CTNND2: variants seen among roughly 807,000 people sequenced by gnomAD.
CTNND2 encodes catenin delta 2, also known as catenin delta-2.
CTNND2 carries 22 observed loss-of-function variants against 144.4 expected under a neutral mutation model. The observed-to-expected ratio is 0.15, with a 90% confidence interval of 0.11 to 0.22. CTNND2 has a LOEUF of 0.22. Among genes scored for constraint, CTNND2 ranks in the 10% least tolerant of loss-of-function variants. The probability of loss-of-function intolerance (pLI) is 1.00; values close to 1 mark genes in which losing one functional copy is unlikely to be tolerated. For synonymous variants in CTNND2, 751 were observed against 695.6 expected (o/e 1.08, Z -1.25); for missense variants, 1,353 against 1,618.8 (o/e 0.84, Z 2.82).
chr5:11,785,445 T>C (rs1714861998), intron 1 of CTNND2, among the ~76,000 whole-genome samples: 1 of 152,236 alleles, frequency 6.6e-6, no homozygotes, highest in South Asian at 2.1e-4. Flanking sequence ...TATAAAATGT[T>C]ATTTTTTAAA....
intron 3 of CTNND2, among the ~76,000 whole-genome samples, chr5:11,434,194 T>C (rs960783801): frequency 6.6e-6 from 1 of 152,128 alleles, no homozygotes; most frequent in African/African-American, 2.4e-5. Context: ...TCCCAAAGCT[T>C]CCCGCTCAGT....
intron 3 of CTNND2, among the ~76,000 whole-genome samples, chr5:11,452,342 T>C (rs983270385): frequency 1.3e-5 from 2 of 152,082 alleles, no homozygotes; most frequent in Admixed American, 6.6e-5. Context: ...AAAGAGAAAA[T>C]GAGTTGCTAT....
At chr5:11,185,604 A>G (rs894838757) in intron 11 of CTNND2, among the ~76,000 whole-genome samples, 9 of 152,242 alleles carry the variant, frequency 5.9e-5, no homozygotes, top group African/African-American at 2.2e-4. Flanking sequence ...AACAGCCGTC[A>G]TGATGGAAGA....
chr5:11,817,566 A>T (rs1175464709), intron 1 of CTNND2, among the ~76,000 whole-genome samples: 3 of 151,676 alleles, frequency 2.0e-5, no homozygotes, highest in Non-Finnish European at 2.9e-5. Context: ...AAAGGTAGTG[A>T]AGGGGGGAAG....
At chr5:11,784,562 G>A (rs1337447770) in intron 1 of CTNND2, among the ~76,000 whole-genome samples, 3 of 152,150 alleles carry the variant, frequency 2.0e-5, no homozygotes, top group African/African-American at 7.2e-5. Context: ...GATGCAAAGG[G>A]ATTTTTCCAG....
At chr5:11,061,870 G>A (rs760473936) in intron 16 of CTNND2, among the ~76,000 whole-genome samples, 21 of 151,954 alleles carry the variant, frequency 1.4e-4, no homozygotes, top group Non-Finnish European at 2.2e-4. Flanking sequence ...TACCACACCC[G>A]GCTAATTTTT....
At chr5:11,029,619 T>C (rs1005105863) in intron 16 of CTNND2, among the ~76,000 whole-genome samples, 1 of 152,218 alleles carries the variant, frequency 6.6e-6, no homozygotes, top group African/African-American at 2.4e-5. Flanking sequence ...AAACATTGTG[T>C]GTCCAAAAAC....
chr5:11,427,323 G>A (rs1345757812), intron 3 of CTNND2, among the ~76,000 whole-genome samples: 1 of 129,932 alleles, frequency 7.7e-6, no homozygotes, highest in Non-Finnish European at 1.5e-5. Flanking sequence ...TGTCACCCAC[G>A]CTGAAGTGCA....
At chr5:11,773,232 G>T (rs1439351976) in intron 1 of CTNND2, among the ~76,000 whole-genome samples, 1 of 152,126 alleles carries the variant, frequency 6.6e-6, no homozygotes. Context: ...CAAATGAAAT[G>T]ATTTTTTTTC....
chr5:11,662,187 GTATATA>G (rs1207769789), intron 2 of CTNND2, among the ~76,000 whole-genome samples: 14 of 122,250 alleles, frequency 1.1e-4, no homozygotes, highest in African/African-American at 4.1e-4. Context: ...ACATATATGT[GTATATA>G]TGTGTATATA....
chr5:11,635,623 T>C (rs1365102582), intron 2 of CTNND2, among the ~76,000 whole-genome samples: 1 of 152,228 alleles, frequency 6.6e-6, no homozygotes, highest in African/African-American at 2.4e-5. Context: ...GAAATATGCA[T>C]GTTTTATTCC....
chr5:11,489,735 T>C lies in CTNND2; in HGVS notation c.287+75209A>G, dbSNP rs992148406. On this transcript the variant is annotated intron_variant, in intron 3 of 21. Coordinates refer to ENST00000304623, the MANE Select transcript of CTNND2 (RefSeq NM_001332.4). ...AAATTTATTCTCCATACTTGCTCAC[T>C]GAGGTGTCCTAATTCACATATGATT... Among the ~76,000 whole-genome samples, 19 of 152,210 alleles carry C rather than the reference T, an allele frequency of 1.2e-4. 1 individual carries two copies. Among genetic ancestry groups the C allele is most frequent in the Admixed American group, 6.5e-5 (1 of 15,280 alleles).
At chr5:11,242,268 C>T (rs971192443) in intron 9 of CTNND2, among the ~76,000 whole-genome samples, 9 of 152,080 alleles carry the variant, frequency 5.9e-5, no homozygotes, top group South Asian at 2.1e-4. Context: ...TAAACCTTAA[C>T]GAACATTGTG....
rs867840078 is a variant in CTNND2 at position 11,369,906 on chromosome 5, C to T, written c.1178-5016G>A. Among the ~76,000 whole-genome samples, 17 of 152,238 alleles carry T rather than the reference C, an allele frequency of 1.1e-4. No individual in the cohort carries two copies. The East Asian group carries it at 2.7e-3, about 24-fold the overall frequency. On this transcript the variant is annotated intron_variant, in intron 7 of 21. Transcript: ENST00000304623. ...AGGCGGAGGGAACCAGCAGCAGACA[C>T]GAAGGGTCCCTCCGGGATTTCAGAA...
rs748518063 is a variant in CTNND2, at chr5:11,110,876, TTTC to T, written c.2442_2444del (p.Lys817del). On this transcript the variant is annotated inframe_deletion, in exon 14 of 22. Transcript: ENST00000304623. ...GCATCACCTGATCTTGGGATTTCTT[TTTC>T]TTCTTCTTCTTGCCCCAGCACCCAG... The T allele has an allele frequency of 1.6e-4, 247 of 1,592,682 alleles. No homozygotes were observed. The highest frequency in any genetic ancestry group is 3.6e-4 in the South Asian group (32 of 88,570).
intron 14 of CTNND2, among the ~76,000 whole-genome samples, chr5:11,104,446 A>C (rs1181618363): frequency 6.6e-6 from 1 of 152,116 alleles, no homozygotes; most frequent in Non-Finnish European, 1.5e-5. Flanking sequence ...AGCAACAATA[A>C]AAACCCAAGT....
intron 9 of CTNND2, among the ~76,000 whole-genome samples, chr5:11,294,023 C>A (rs2150020330): frequency 6.6e-6 from 1 of 151,516 alleles, no homozygotes; most frequent in East Asian, 2.0e-4. Flanking sequence ...AAGATGAGGA[C>A]ATTTTGCGTA....
intron 3 of CTNND2, among the ~76,000 whole-genome samples, chr5:11,452,482 T>C (rs1299139811): frequency 6.6e-6 from 1 of 152,182 alleles, no homozygotes; most frequent in Non-Finnish European, 1.5e-5. Flanking sequence ...AAAGTGCTCC[T>C]TCCTCCCAGG....
chr5:11,613,124 TA>T (rs947941543), intron 2 of CTNND2, among the ~76,000 whole-genome samples: 1 of 152,206 alleles, frequency 6.6e-6, no homozygotes. Flanking sequence ...TGACATTTTC[TA>T]AGAAGTTTTT....
Sources: allele counts gnomAD v4.1 joint callset (sites outside exome capture counted in the v4.1 genomes callset), GRCh38; gene constraint gnomAD v4.1.1; transcripts MANE v1.5; gene names NCBI Gene and HGNC (gene_info 2026-07-23, HGNC 2026-07-21).